Variants in SHISA6 observed in about 807,000 individuals in gnomAD.
SHISA6 encodes shisa family member 6, also known as protein shisa-6.
Under a neutral mutation model 47.9 loss-of-function variants are expected in SHISA6, and 22 were observed. The ratio of observed to expected loss-of-function variants is 0.46; its 90% CI spans 0.33 to 0.66. SHISA6 has a LOEUF of 0.66. Ranked by LOEUF, SHISA6 falls within the 30% of genes least tolerant of loss-of-function variation. The probability of loss-of-function intolerance (pLI) is 0.02; values close to 1 mark genes in which losing one functional copy is unlikely to be tolerated. For synonymous variants in SHISA6, 388 were observed against 337.8 expected, an observed-to-expected ratio of 1.15 and a Z score of -1.63; for missense variants, 680 against 764.6, an observed-to-expected ratio of 0.89 and a Z score of 1.30.
intron 2 of SHISA6, among the ~76,000 whole-genome samples, chr17:11,357,242 G>GCAGGGATT (rs1912111088): frequency 6.6e-6 from 1 of 151,476 alleles, no homozygotes; most frequent in South Asian, 2.1e-4. Context: ...CAGGGAGGTT[G>GCAGGGATT]CAGGGATTCA....
chr17:11,263,887 C>T (rs1029755568), intron 2 of SHISA6, among the ~76,000 whole-genome samples: 22 of 152,256 alleles, frequency 1.4e-4, no homozygotes, highest in African/African-American at 5.3e-4. Flanking sequence ...AGATATGTGA[C>T]AAGAAATTAC....
At chr17:11,320,194 T>C (rs1284276186) in intron 2 of SHISA6, among the ~76,000 whole-genome samples, 1 of 152,246 alleles carries the variant, frequency 6.6e-6, no homozygotes, top group African/African-American at 2.4e-5. Flanking sequence ...AAGAAAACTA[T>C]TCTGAACCTT....
chr17:11,254,444 A>G (rs1907934135), intron 1 of SHISA6, among the ~76,000 whole-genome samples: 1 of 152,230 alleles, frequency 6.6e-6, no homozygotes, highest in African/African-American at 2.4e-5. Flanking sequence ...CGCCACTCAG[A>G]TAAGAATGTT....
rs61191316 is a variant in SHISA6 at position 11,469,018 on chromosome 17, CAAAAAAAAAAAA to C, written c.896-82860_896-82849del. On this transcript the variant is annotated intron_variant, in intron 3 of 5. Transcript: ENST00000441885. ...TGGGCAACAGAAAGAGACTCCGTCT[CAAAAAAAAAAAA>C]AAAAAAAAAAAAAAAAAGATAAGTC... is the stretch of plus-strand genomic sequence containing the variant. Among the ~76,000 whole-genome samples, 320 of 46,080 alleles carry C rather than the reference CAAAAAAAAAAAA, an allele frequency of 6.9e-3. 3 individuals are homozygous for C. The highest frequency in any genetic ancestry group is 0.024 in the African/African-American group (296 of 12,452). The allele number at this position is 46,080 out of a possible 152,430, so 30.2% of individuals were successfully genotyped here.
At chr17:11,359,486 C>G (rs1462942049) in intron 2 of SHISA6, among the ~76,000 whole-genome samples, 1 of 152,176 alleles carries the variant, frequency 6.6e-6, no homozygotes, top group Non-Finnish European at 1.5e-5. Context: ...TGGCCTCTCT[C>G]TCTGCATCAA....
At chr17:11,426,190 T>C (rs1464011364) in intron 3 of SHISA6, among the ~76,000 whole-genome samples, 2 of 152,226 alleles carry the variant, frequency 1.3e-5, no homozygotes, top group African/African-American at 4.8e-5. Context: ...AGTCTTTTTC[T>C]TAAATAGTGA....
chr17:11,332,630 G>A (rs1379958279), intron 2 of SHISA6, among the ~76,000 whole-genome samples: 1 of 152,140 alleles, frequency 6.6e-6, no homozygotes, highest in Admixed American at 6.5e-5. Flanking sequence ...TTTGCTTTCT[G>A]TCTCCTTTTG....
chr17:11,444,991 T>C (rs1915192292), intron 3 of SHISA6, among the ~76,000 whole-genome samples: 1 of 152,236 alleles, frequency 6.6e-6, no homozygotes. Flanking sequence ...ATAGAGGCAC[T>C]GAGTGACTGT....
chr17:11,383,792 A>G (rs1327231666), intron 3 of SHISA6, among the ~76,000 whole-genome samples: 2 of 152,112 alleles, frequency 1.3e-5, no homozygotes, highest in Admixed American at 6.5e-5. Flanking sequence ...CATGATAAAT[A>G]GAATCTAGGT....
intron 3 of SHISA6, among the ~76,000 whole-genome samples, chr17:11,388,409 C>G (rs886204368): frequency 5.3e-4 from 80 of 152,062 alleles, no homozygotes; most frequent in African/African-American, 1.8e-3. Flanking sequence ...CAGAGAGGAA[C>G]TCTCGGGTTC....
intron 3 of SHISA6, among the ~76,000 whole-genome samples, chr17:11,454,283 G>A (rs1404597317): frequency 6.6e-6 from 1 of 152,088 alleles, no homozygotes; most frequent in Non-Finnish European, 1.5e-5. Context: ...CTTGAAGTGA[G>A]TCACCGTTAT....
intron 3 of SHISA6, among the ~76,000 whole-genome samples, chr17:11,528,435 T>C (rs997669024): frequency 6.6e-6 from 1 of 152,172 alleles, no homozygotes. Context: ...TGCATGAGGC[T>C]AAAACGTATA....
intron 3 of SHISA6, among the ~76,000 whole-genome samples, chr17:11,416,964 A>T (rs900615897): frequency 6.6e-6 from 1 of 152,214 alleles, no homozygotes; most frequent in African/African-American, 2.4e-5. Context: ...GAGAGTCAGG[A>T]TTTGAACCCA....
At chr17:11,279,338 C>T (rs868051182) in intron 2 of SHISA6, among the ~76,000 whole-genome samples, 13 of 152,108 alleles carry the variant, frequency 8.5e-5, no homozygotes, top group South Asian at 6.2e-4. Context: ...GTTAGACCCT[C>T]GTAGAGGTAC....
intron 1 of SHISA6, 82 bp downstream of exon 1, chr17:11,242,142 G>A (rs1411365341): frequency 8.6e-6 from 13 of 1,519,996 alleles, no homozygotes; most frequent in East Asian, 2.5e-5. Context: ...CTTCACTCTC[G>A]GCATCATCAC....
rs2071465190 is a variant in SHISA6 at position 11,502,679 on chromosome 17, AT to A, written c.896-49216del. Reference sequence around the variant, plus strand: ...GAGGCAGAGGTTGCAGTGAGCTGAGATCGTGCCATCGCACTCCAGCCTGGAT... The same window carrying A: ...GAGGCAGAGGTTGCAGTGAGCTGAGACGTGCCATCGCACTCCAGCCTGGAT... On this transcript the variant is annotated intron_variant, in intron 3 of 5. Coordinates refer to ENST00000441885, the MANE Select transcript of SHISA6 (RefSeq NM_207386.4). 1.3e-5 allele frequency among the ~76,000 whole-genome samples: 2 copies of A among 152,162 alleles called. 1 individual carries two copies. The highest frequency in any genetic ancestry group is 3.9e-4 in the East Asian group (2 of 5,178).
At chr17:11,460,744 A>G (rs2142313302) in intron 3 of SHISA6, among the ~76,000 whole-genome samples, 1 of 152,318 alleles carries the variant, frequency 6.6e-6, no homozygotes, top group South Asian at 2.1e-4. Context: ...TAGGTAAGGA[A>G]GTGAGGCCAA....
intron 2 of SHISA6, among the ~76,000 whole-genome samples, chr17:11,339,756 C>T (rs905954250): frequency 6.6e-6 from 1 of 152,080 alleles, no homozygotes; most frequent in African/African-American, 2.4e-5. Context: ...CTGTGGGAGC[C>T]CAGGGGAGGA....
chr17:11,384,812 G>A (rs892174167), intron 3 of SHISA6, among the ~76,000 whole-genome samples: 1 of 152,186 alleles, frequency 6.6e-6, no homozygotes, highest in Admixed American at 6.5e-5. Context: ...CCAGATAGAC[G>A]AGGGTGGGAG....
Sources: allele counts gnomAD v4.1 joint callset (sites outside exome capture counted in the v4.1 genomes callset), GRCh38; gene constraint gnomAD v4.1.1; transcripts MANE v1.5; gene names NCBI Gene and HGNC (gene_info 2026-07-23, HGNC 2026-07-21).